XRCC4: variants seen among roughly 807,000 people sequenced by gnomAD.
XRCC4 encodes the protein X-ray repair cross complementing 4.
XRCC4 carries 28 observed loss-of-function variants against 39.1 expected under a neutral mutation model. That is an observed-to-expected ratio of 0.72 (90% CI 0.53 to 0.98). The LOEUF (loss-of-function observed/expected upper bound fraction) is 0.98. XRCC4 is among the 50% of genes least tolerant of loss of function. The probability of loss-of-function intolerance (pLI) is 0.00; values close to 1 mark genes in which losing one functional copy is unlikely to be tolerated. For missense variants in XRCC4, 350 were observed against 376.4 expected (o/e 0.93, Z 0.58); for synonymous variants, 123 against 126.4 (o/e 0.97, Z 0.18).
intron 3 of XRCC4, among the ~76,000 whole-genome samples, chr5:83,159,572 C>T (rs1749110786): frequency 6.6e-6 from 1 of 152,006 alleles, no homozygotes; most frequent in Admixed American, 6.6e-5. Context: ...GGTGAAAAAC[C>T]AAGGGGCCTC....
rs1408349963 is a variant in XRCC4, at chr5:83,296,453, A to T, written c.893+37776A>T. Among the ~76,000 whole-genome samples, 8 of 152,154 alleles carry T rather than the reference A, an allele frequency of 5.3e-5. 1 individual carries two copies. Among genetic ancestry groups the T allele is most frequent in the Admixed American group, 5.2e-4 (8 of 15,260 alleles). On this transcript the variant is annotated intron_variant, in intron 7 of 7. Transcript: ENST00000396027. ...AGAAATAAGAATTTCTTTGACAAGG[A>T]TATGCCACCATGGCATTCTCTGCCA... is the stretch of plus-strand genomic sequence containing the variant.
At chr5:83,263,894 G>A (rs992059557) in intron 7 of XRCC4, among the ~76,000 whole-genome samples, 62 of 151,676 alleles carry the variant, frequency 4.1e-4, no homozygotes, top group African/African-American at 1.4e-3. Flanking sequence ...CATTGCTTTT[G>A]GTGTTTTAGA....
chr5:83,346,849 C>G (rs765710147), intron 7 of XRCC4, among the ~76,000 whole-genome samples: 6 of 152,128 alleles, frequency 3.9e-5, no homozygotes, highest in African/African-American at 7.2e-5. Flanking sequence ...AGAGCTGTAA[C>G]TAATGGCTAT....
At chr5:83,090,045 C>T (rs1475756746) in intron 1 of XRCC4, among the ~76,000 whole-genome samples, 1 of 152,108 alleles carries the variant, frequency 6.6e-6, no homozygotes, top group African/African-American at 2.4e-5. Flanking sequence ...TTCACATCTC[C>T]TTGTTCAAGA....
At chr5:83,270,626 C>T (rs899298131) in intron 7 of XRCC4, among the ~76,000 whole-genome samples, 1 of 152,030 alleles carries the variant, frequency 6.6e-6, no homozygotes, top group African/African-American at 2.4e-5. Flanking sequence ...TCCAGACTTT[C>T]CATCCCTTTC....
rs1745620184 is a variant in XRCC4, at chr5:83,095,200, T to C, written c.-10-9710T>C. ...CCTGCTACCTTTGCTCTGAATTTTTTTGGGGTAGCTACATAGGTTCTCTTA... is the reference window on the plus strand; with the variant it reads ...CCTGCTACCTTTGCTCTGAATTTTTCTGGGGTAGCTACATAGGTTCTCTTA... On this transcript the variant is annotated intron_variant, in intron 1 of 7. Coordinates refer to ENST00000396027, the MANE Select transcript of XRCC4 (RefSeq NM_003401.5). Among the ~76,000 whole-genome samples the C allele has an allele frequency of 3.9e-5, 6 of 152,148 alleles. No homozygotes were observed. The South Asian group carries it at 1.2e-3, about 32-fold the overall frequency.
At chr5:83,221,353 G>A (rs1752077434) in intron 6 of XRCC4, among the ~76,000 whole-genome samples, 1 of 152,032 alleles carries the variant, frequency 6.6e-6, no homozygotes, top group South Asian at 2.1e-4. Flanking sequence ...GCACATAAAG[G>A]TTAGAGAACT....
chr5:83,123,530 T>C (rs1411782589), intron 3 of XRCC4, among the ~76,000 whole-genome samples: 1 of 138,466 alleles, frequency 7.2e-6, no homozygotes, highest in East Asian at 1.9e-4. Context: ...TTATGTTTTA[T>C]GTAATTATTG....
In XRCC4 at chr5:83,187,068, C is replaced by G. The variant is rs538587305; in HGVS notation, c.316-8702C>G. Among the ~76,000 whole-genome samples, 6 of 105,924 alleles carry G rather than the reference C, an allele frequency of 5.7e-5. 1 individual carries two copies. The South Asian group carries it at 2.1e-3, about 37-fold the overall frequency. The allele number at this position is 105,924 out of a possible 152,430, so 69.5% of individuals were successfully genotyped here. ...ACGCCATTCTCCTGCCTCAGCCTCCCGAGTAGCCGGGACCACAGGCGCCCG... is the reference window on the plus strand; with the variant it reads ...ACGCCATTCTCCTGCCTCAGCCTCCGGAGTAGCCGGGACCACAGGCGCCCG... On this transcript the variant is annotated intron_variant, in intron 3 of 7. Transcript: ENST00000396027.
At chr5:83,326,922 T>G (rs1031423443) in intron 7 of XRCC4, among the ~76,000 whole-genome samples, 1 of 152,078 alleles carries the variant, frequency 6.6e-6, no homozygotes, top group Non-Finnish European at 1.5e-5. Context: ...TACGCTGTTT[T>G]TAAAAAAATT....
chr5:83,196,156 A>G (rs1443858713), intron 4 of XRCC4, among the ~76,000 whole-genome samples: 1 of 152,162 alleles, frequency 6.6e-6, no homozygotes, highest in Non-Finnish European at 1.5e-5. Context: ...GCAAATTTAT[A>G]AACAATAAGG....
chr5:83,304,432 T>A (rs1186041593), intron 7 of XRCC4, among the ~76,000 whole-genome samples: 1 of 152,180 alleles, frequency 6.6e-6, no homozygotes, highest in African/African-American at 2.4e-5. Context: ...CTTACCTGAA[T>A]TCTACCAAAA....
intron 7 of XRCC4, among the ~76,000 whole-genome samples, chr5:83,309,703 G>GCA (rs1210669557): frequency 1.5e-5 from 2 of 133,478 alleles, no homozygotes; most frequent in South Asian, 4.9e-4. Context: ...GGCGGAGGTT[G>GCA]CAGTGATCGC....
At chr5:83,328,774 A>T (rs1366802468) in intron 7 of XRCC4, among the ~76,000 whole-genome samples, 1 of 152,118 alleles carries the variant, frequency 6.6e-6, no homozygotes, top group Admixed American at 6.6e-5. Flanking sequence ...GTAAAGCAAG[A>T]TATTAGCACT....
chr5:83,357,167 C>A (rs1166957305), downstream of XRCC4, among the ~76,000 whole-genome samples: 1 of 152,132 alleles, frequency 6.6e-6, no homozygotes, highest in East Asian at 1.9e-4. Context: ...ATAAATCGAT[C>A]CTTTCAACAA....
intron 3 of XRCC4, among the ~76,000 whole-genome samples, chr5:83,169,488 T>C (rs1360530072): frequency 6.6e-6 from 1 of 152,150 alleles, no homozygotes; most frequent in East Asian, 1.9e-4. Flanking sequence ...ACCTGAAAGA[T>C]TAAACAAAAA....
At chr5:83,081,000 A>C (rs778730874) in intron 1 of XRCC4, among the ~76,000 whole-genome samples, 1 of 152,228 alleles carries the variant, frequency 6.6e-6, no homozygotes, top group Non-Finnish European at 1.5e-5. Flanking sequence ...TTATAGCCAT[A>C]GTGCATTATA....
At chr5:83,371,462 A>T in the XRCC4 span, among the ~76,000 whole-genome samples, 1 of 152,210 alleles carries the variant, frequency 6.6e-6, no homozygotes, top group East Asian at 1.9e-4. Context: ...AATTGAATAA[A>T]TGAGTGAGTA....
intron 7 of XRCC4, chr5:83,280,401 T>G (rs1485400903): frequency 6.6e-6 from 4 of 608,956 alleles, no homozygotes; most frequent in African/African-American, 5.7e-5. Flanking sequence ...TCTCTGAATA[T>G]TCTTTCCTTT....
Sources: allele counts gnomAD v4.1 joint callset (sites outside exome capture counted in the v4.1 genomes callset), GRCh38; gene constraint gnomAD v4.1.1; transcripts MANE v1.5; gene names NCBI Gene and HGNC (gene_info 2026-07-23, HGNC 2026-07-21).